ABCA4: variants seen among roughly 807,000 people sequenced by gnomAD.
ABCA4 encodes ATP binding cassette subfamily A member 4, also known as retinal-specific phospholipid-transporting ATPase ABCA4.
Under a neutral mutation model 263.7 loss-of-function variants are expected in ABCA4, and 196 were observed. The observed-to-expected ratio is 0.74, with a 90% confidence interval of 0.66 to 0.84. The LOEUF is 0.84. ABCA4 is among the 40% of genes least tolerant of loss of function. The pLI is 0.00. For synonymous variants in ABCA4, 1,133 were observed against 1,094.2 expected, an observed-to-expected ratio of 1.04 and a Z score of -0.70; for missense variants, 2,792 against 2,855.1, an observed-to-expected ratio of 0.98 and a Z score of 0.50.
intron 35 of ABCA4, among the ~76,000 whole-genome samples, chr1:94,020,519 A>G (rs987912775): frequency 6.6e-6 from 1 of 152,028 alleles, no homozygotes; most frequent in African/African-American, 2.4e-5. Context: ...GAGACACACG[A>G]AAGTGTGGCT....
intron 20 of ABCA4, among the ~76,000 whole-genome samples, chr1:94,043,832 A>G (rs1382413406): frequency 6.6e-6 from 1 of 152,116 alleles, no homozygotes; most frequent in Non-Finnish European, 1.5e-5. Flanking sequence ...ATTCTTTATC[A>G]TTTTGAAGTA....
intron 24 of ABCA4, among the ~76,000 whole-genome samples, chr1:94,038,855 A>G (rs1660414036): frequency 6.6e-6 from 1 of 152,146 alleles, no homozygotes; most frequent in South Asian, 2.1e-4. Context: ...TCAAGGAGCT[A>G]ACTGGGGATT....
At chr1:94,058,425 G>C (rs1351159556) in intron 14 of ABCA4, among the ~76,000 whole-genome samples, 1 of 152,148 alleles carries the variant, frequency 6.6e-6, no homozygotes, top group African/African-American at 2.4e-5. Flanking sequence ...GCAGTGATAT[G>C]ATATCAGCTC....
In ABCA4 at chr1:94,021,226, C is replaced by T; in HGVS notation, c.5018+14G>A. The T allele has an allele frequency of 6.2e-7, 1 of 1,614,094 alleles. No homozygotes were observed. Among genetic ancestry groups the T allele is most frequent in the East Asian group, 2.2e-5 (1 of 44,884 alleles). ...TGACAAGAAAGTGGTGAGGCTGGGG[C>T]TGTGGTGGCTTACACTGTAATCTCT... On this transcript the variant is annotated intron_variant, in intron 35 of 49. Transcript: ENST00000370225.
intron 6 of ABCA4, among the ~76,000 whole-genome samples, chr1:94,085,656 G>C (rs913531494): frequency 1.3e-5 from 2 of 152,102 alleles, no homozygotes; most frequent in African/African-American, 4.8e-5. Context: ...GCTCCCTACT[G>C]TCTCCAGAAG....
At chr1:94,033,470 T>A (rs1660260280) in intron 26 of ABCA4, among the ~76,000 whole-genome samples, 1 of 151,276 alleles carries the variant, frequency 6.6e-6, no homozygotes, top group Non-Finnish European at 1.5e-5. Flanking sequence ...CAGGATTGGT[T>A]TGGAAATTTA....
In ABCA4 at chr1:94,044,732, C is replaced by A; in HGVS notation, c.2931G>T (p.Thr977=). 1 of 1,614,184 alleles carries A rather than the reference C, an allele frequency of 6.2e-7. No individual in the cohort carries two copies. The highest frequency in any genetic ancestry group is 8.5e-7 in the Non-Finnish European group (1 of 1,180,018). Residue 977 remains threonine (T), a synonymous_variant, in exon 20 of 50, where the codon ACG becomes ACT. Coordinates refer to ENST00000370225, the MANE Select transcript of ABCA4 (RefSeq NM_000350.3). ...AGKTTTLSIL[T]GLLPPTSGTV... ...TCCCAGAGGTTGGTGGCAACAGACC[C>A]GTCAGGATGGACCTGCAGAACACAG...
intron 1 of ABCA4, among the ~76,000 whole-genome samples, chr1:94,117,433 G>A (rs940928696): frequency 1.3e-5 from 2 of 151,432 alleles, no homozygotes; most frequent in African/African-American, 4.9e-5. Context: ...AGGGTGTGGT[G>A]TCCAAAACAT....
At chr1:94,110,331 G>T (rs1662570290) in intron 3 of ABCA4, among the ~76,000 whole-genome samples, 1 of 152,186 alleles carries the variant, frequency 6.6e-6, no homozygotes, top group African/African-American at 2.4e-5. Flanking sequence ...GCCATAGTTT[G>T]TTCACAGTGG....
chr1:94,044,191 A>G (rs1243802745), intron 20 of ABCA4, among the ~76,000 whole-genome samples: 1 of 151,632 alleles, frequency 6.6e-6, no homozygotes, highest in Non-Finnish European at 1.5e-5. Flanking sequence ...ATAAGAAATA[A>G]AAGATATCTT....
intron 32 of ABCA4, among the ~76,000 whole-genome samples, chr1:94,022,438 C>T (rs1331800546): frequency 6.6e-6 from 1 of 152,202 alleles, no homozygotes; most frequent in Non-Finnish European, 1.5e-5. Flanking sequence ...TTTGCAGGTA[C>T]TTCTAGCAGC....
intron 21 of ABCA4, 102 bp from the exon 22 acceptor site, chr1:94,043,000 G>A: frequency 6.6e-7 from 1 of 1,507,376 alleles, no homozygotes; most frequent in South Asian, 1.1e-5. Flanking sequence ...ACCCAGCAGT[G>A]GTTTGGTGCT....
rs1454677143 is a variant in ABCA4 at position 94,032,190 on chromosome 1, T to C, written c.3863-147A>G. ...CAGGCTGGTAGCTTAATCATCTTTA[T>C]AAAAATCTATTTCTAGTGTAAATTA... On this transcript the variant is annotated intron_variant, in intron 26 of 49. Coordinates refer to ENST00000370225, the MANE Select transcript of ABCA4 (RefSeq NM_000350.3). The C allele has an allele frequency of 6.1e-6, 6 of 987,628 alleles. No individual in the cohort carries two copies. In the African/African-American group the frequency reaches 6.6e-5, roughly 11 times the overall value. The allele number at this position is 987,628 out of a possible 1,614,324, so 61.2% of individuals were successfully genotyped here. A position where few individuals can be genotyped will look rare whatever the true frequency, so the allele number is the denominator to read the frequency against.
intron 47 of ABCA4, among the ~76,000 whole-genome samples, chr1:94,000,003 A>G (rs1659130471): frequency 6.6e-6 from 1 of 152,222 alleles, no homozygotes; most frequent in South Asian, 2.1e-4. Flanking sequence ...CTTTCTCTCA[A>G]TTATTTATCT....
chr1:93,993,879 A>G (rs12239339), intron 49 of ABCA4, among the ~76,000 whole-genome samples: 13,020 of 152,056 alleles, frequency 0.086, 1,378 homozygotes, highest in African/African-American at 0.25. Flanking sequence ...CCCGCTGTGG[A>G]GCTGGGGTAG....
intron 1 of ABCA4, among the ~76,000 whole-genome samples, chr1:94,120,287 C>G (rs1189573175): frequency 6.6e-6 from 1 of 152,172 alleles, no homozygotes; most frequent in African/African-American, 2.4e-5. Flanking sequence ...AGGGTGGAAT[C>G]TGTGTCGTGC....
chr1:94,097,560 A>T (rs1662155988), intron 6 of ABCA4, among the ~76,000 whole-genome samples: 1 of 152,200 alleles, frequency 6.6e-6, no homozygotes, highest in African/African-American at 2.4e-5. Context: ...TATATATGCC[A>T]CCTTCTCTGA....
In ABCA4 at chr1:94,001,068, C is replaced by T. The variant is rs62642564; in HGVS notation, c.6320G>A (p.Arg2107His). Residue 2107 changes from arginine to histidine, a missense_variant, in exon 46 of 50, where the codon CGC (arginine) becomes CAC (histidine). Arg to His is a conservative substitution (Grantham distance 29). Coordinates refer to ENST00000370225, the MANE Select transcript of ABCA4 (RefSeq NM_000350.3). ...GCTCACGATGACGTTCCACAGCATG[C>T]GGCGTGCCTGGGGGTCCATCCCTGT... The part of the protein sequence containing the change: ...PTTGMDPQAR[R>H]MLWNVIVSII... 1,854 of 1,614,112 alleles carry T rather than the reference C, an allele frequency of 1.1e-3. 17 individuals carry two copies. The African/African-American group carries it at 0.021, about 18-fold the overall frequency.
chr1:93,996,556 G>A (rs1040571086), intron 48 of ABCA4, among the ~76,000 whole-genome samples: 1 of 152,190 alleles, frequency 6.6e-6, no homozygotes, highest in African/African-American at 2.4e-5. Flanking sequence ...GAGTGTGCAG[G>A]TGGCTCCTGC....
Sources: allele counts gnomAD v4.1 joint callset (sites outside exome capture counted in the v4.1 genomes callset), GRCh38; gene constraint gnomAD v4.1.1; transcripts MANE v1.5; gene names NCBI Gene and HGNC (gene_info 2026-07-23, HGNC 2026-07-21).